CADPS2: variants seen among roughly 807,000 people sequenced by gnomAD.
CADPS2 encodes the protein calcium-dependent secretion activator 2.
Under a neutral mutation model 172.5 loss-of-function variants are expected in CADPS2, and 93 were observed. That is an observed-to-expected ratio of 0.54 (90% confidence interval 0.46 to 0.64). CADPS2 has a LOEUF of 0.64. Among genes scored for constraint, CADPS2 ranks in the 30% least tolerant of loss-of-function variants. The pLI, the probability that CADPS2 is intolerant of heterozygous loss-of-function variation, is 0.00. For missense variants in CADPS2, 1,420 were observed against 1,565.9 expected (o/e 0.91, Z 1.57); for synonymous variants, 546 against 555.2 (o/e 0.98, Z 0.23).
chr7:122,866,938 C>G (rs867214326), intron 1 of CADPS2, among the ~76,000 whole-genome samples: 23 of 152,304 alleles, frequency 1.5e-4, no homozygotes, highest in African/African-American at 5.5e-4. Context: ...TTCCTCTTCT[C>G]ACATCATGCT....
chr7:122,461,274 T>A (rs2054397839), intron 14 of CADPS2, among the ~76,000 whole-genome samples: 1 of 152,044 alleles, frequency 6.6e-6, no homozygotes, highest in Admixed American at 6.5e-5. Context: ...GAGCTTCAGA[T>A]GAGAAGAAAA....
intron 22 of CADPS2, among the ~76,000 whole-genome samples, chr7:122,392,986 A>T (rs959313946): frequency 3.9e-5 from 6 of 152,110 alleles, no homozygotes; most frequent in Admixed American, 3.3e-4. Context: ...ACTACATTAA[A>T]CTAGCGTGTT....
intron 2 of CADPS2, among the ~76,000 whole-genome samples, chr7:122,687,274 C>T (rs141556594): frequency 2.8e-4 from 43 of 152,214 alleles, no homozygotes; most frequent in African/African-American, 8.4e-4. Flanking sequence ...GTTGAGATCA[C>T]GTAAGGTATC....
chr7:122,417,928 TAC>T (rs939730896), intron 17 of CADPS2, among the ~76,000 whole-genome samples: 6 of 152,094 alleles, frequency 3.9e-5, no homozygotes, highest in Non-Finnish European at 7.4e-5. Flanking sequence ...TTAGAAATGG[TAC>T]AGTTTCAGGC....
intron 2 of CADPS2, among the ~76,000 whole-genome samples, chr7:122,726,786 A>AAC (rs1554365096): frequency 6.6e-6 from 1 of 151,456 alleles, no homozygotes; most frequent in Non-Finnish European, 1.5e-5. Flanking sequence ...AAAAAAAAAA[A>AAC]AAACTATCCA....
At chr7:122,582,371 T>C (rs939863749) in intron 6 of CADPS2, among the ~76,000 whole-genome samples, 6 of 151,930 alleles carry the variant, frequency 3.9e-5, no homozygotes, top group Admixed American at 6.6e-5. Flanking sequence ...ATAATAAATG[T>C]ATACAGTAAA....
chr7:122,319,984 A>C lies in CADPS2; in HGVS notation c.*181T>G. The stretch of plus-strand genomic sequence containing the variant: ...AAACAAACAAACAAAAAAAGGAAAC[A>C]AAAAAACCCCAAAATCTTGGCATTT... On this transcript the variant is annotated 3_prime_UTR_variant, in exon 30 of 30. Transcript: ENST00000449022. The C allele has an allele frequency of 1.8e-6, 1 of 556,496 alleles. No individual in the cohort carries two copies. Among genetic ancestry groups the C allele is most frequent in the Non-Finnish European group, 2.7e-6 (1 of 364,274 alleles). The allele number at this position is 556,496 out of a possible 1,614,324, so 34.5% of individuals were successfully genotyped here. A position where few individuals can be genotyped will look rare whatever the true frequency, so the allele number is the denominator to read the frequency against.
At chr7:122,371,258 C>G (rs557730025) in intron 25 of CADPS2, among the ~76,000 whole-genome samples, 1 of 152,290 alleles carries the variant, frequency 6.6e-6, no homozygotes, top group African/African-American at 2.4e-5. Flanking sequence ...TCTGTTCACA[C>G]ACTGCTATGA....
intron 24 of CADPS2, among the ~76,000 whole-genome samples, chr7:122,379,964 T>C (rs1222227271): frequency 6.6e-6 from 1 of 152,124 alleles, no homozygotes; most frequent in Non-Finnish European, 1.5e-5. Flanking sequence ...TCTTACAATA[T>C]GCTCGAGCAA....
intron 9 of CADPS2, among the ~76,000 whole-genome samples, chr7:122,493,638 T>C (rs1031433931): frequency 3.9e-5 from 6 of 152,060 alleles, no homozygotes; most frequent in African/African-American, 1.4e-4. Context: ...ACAGGTTCTA[T>C]GATATACTTA....
chr7:122,608,193 T>G, intron 6 of CADPS2, among the ~76,000 whole-genome samples: 1 of 145,316 alleles, frequency 6.9e-6, no homozygotes, highest in African/African-American at 2.6e-5. Context: ...TCCAGCCTGG[T>G]GACAGAGCGA....
chr7:122,804,106 C>T (rs1165529096), intron 1 of CADPS2, among the ~76,000 whole-genome samples: 2 of 151,966 alleles, frequency 1.3e-5, no homozygotes, highest in Non-Finnish European at 2.9e-5. Flanking sequence ...ATCTCTGGTT[C>T]CTGACTGACC....
Position 122,448,716 on chromosome 7 carries a change from G to A in CADPS2, c.2288+2658C>T, listed in dbSNP as rs371836914. Among the ~76,000 whole-genome samples, 5 of 152,148 alleles carry A rather than the reference G, an allele frequency of 3.3e-5. No individual in the cohort carries two copies. In the East Asian group the frequency reaches 5.8e-4, roughly 18 times the overall value. On this transcript the variant is annotated intron_variant, in intron 15 of 29. Transcript: ENST00000449022. ...TGTCAGTGACTGATTGAGGCATCCC[G>A]TGCACAGAATTTCTCTGGCCACTGG...
intron 7 of CADPS2, among the ~76,000 whole-genome samples, chr7:122,563,826 T>A (rs868556913): frequency 1.3e-4 from 20 of 152,280 alleles, no homozygotes; most frequent in Non-Finnish European, 2.5e-4. Context: ...ATTCATGGAC[T>A]ACTGATAGAT....
intron 3 of CADPS2, among the ~76,000 whole-genome samples, chr7:122,645,681 A>ATATCTCTCTC (rs796988558): frequency 6.8e-5 from 8 of 116,834 alleles, no homozygotes; most frequent in African/African-American, 2.5e-4. Context: ...ATATATATAT[A>ATATCTCTCTC]TCTTGGGATT....
At chr7:122,484,155 G>T (rs539847383) in intron 11 of CADPS2, among the ~76,000 whole-genome samples, 1 of 152,104 alleles carries the variant, frequency 6.6e-6, no homozygotes, top group Non-Finnish European at 1.5e-5. Flanking sequence ...TCAATTAAAA[G>T]TGAATAAACT....
intron 1 of CADPS2, among the ~76,000 whole-genome samples, chr7:122,854,602 C>T (rs528422029): frequency 2.6e-5 from 4 of 152,304 alleles, no homozygotes; most frequent in Admixed American, 2.0e-4. Flanking sequence ...TGCACACATG[C>T]AAGGACAAGA....
intron 4 of CADPS2, among the ~76,000 whole-genome samples, chr7:122,627,692 C>T (rs1334563432): frequency 1.3e-5 from 2 of 152,062 alleles, no homozygotes; most frequent in Non-Finnish European, 2.9e-5. Flanking sequence ...GACAATGTGC[C>T]CAGTCTCAGG....
rs886788954 is a variant in CADPS2 at position 122,471,629 on chromosome 7, C to T, written c.1999-67G>A. 3.3e-5 allele frequency: 45 copies of T among 1,374,556 alleles called. No homozygotes were observed. The Middle Eastern group carries it at 5.6e-4, about 17-fold the overall frequency. 85.1% of individuals were successfully genotyped at this position (1,374,556 alleles called of 1,614,324 possible). A position where few individuals can be genotyped will look rare whatever the true frequency, so the allele number is the denominator to read the frequency against. On this transcript the variant is annotated intron_variant, in intron 13 of 29. Coordinates refer to ENST00000449022, the MANE Select transcript of CADPS2 (RefSeq NM_017954.11). The stretch of plus-strand genomic sequence containing the variant: ...CTATACTACGATTTGCTTTCCTGAA[C>T]GCACTTTTAGGCCTTATAAGCAGAA...
Sources: allele counts gnomAD v4.1 joint callset (sites outside exome capture counted in the v4.1 genomes callset), GRCh38; gene constraint gnomAD v4.1.1; transcripts MANE v1.5; gene names NCBI Gene and HGNC (gene_info 2026-07-23, HGNC 2026-07-21).